FNIP1: variants seen among roughly 807,000 people sequenced by gnomAD.
FNIP1 encodes folliculin interacting protein 1, also known as folliculin-interacting protein 1.
A neutral mutation model predicts 124.5 loss-of-function variants in FNIP1; 40 were observed. The ratio of observed to expected loss-of-function variants is 0.32; its 90% confidence interval spans 0.25 to 0.42. FNIP1 has a LOEUF of 0.42. FNIP1 is among the 10% of genes least tolerant of loss of function. The pLI, the probability that FNIP1 is intolerant of heterozygous loss-of-function variation, is 1.00. For synonymous variants in FNIP1, 472 were observed against 470.6 expected (o/e 1.00, Z -0.04); for missense variants, 1,176 against 1,403.7 (o/e 0.84, Z 2.59).
intron 1 of FNIP1, among the ~76,000 whole-genome samples, chr5:131,746,368 C>T (rs1770681590): frequency 6.6e-6 from 1 of 152,126 alleles, no homozygotes; most frequent in Non-Finnish European, 1.5e-5. Flanking sequence ...CTGATGCTGT[C>T]ACCCAGAGAG....
intron 11 of FNIP1, among the ~76,000 whole-genome samples, chr5:131,697,968 C>CAAAAAAAAAAAA (rs753487190): frequency 3.4e-5 from 2 of 58,762 alleles, no homozygotes; most frequent in Non-Finnish European, 8.5e-5. Context: ...GACTCCACCT[C>CAAAAAAAAAAAA]AAAAAAAAAA....
At chr5:131,699,516 C>T (rs1164650747) in intron 10 of FNIP1, among the ~76,000 whole-genome samples, 1 of 151,344 alleles carries the variant, frequency 6.6e-6, no homozygotes, top group Non-Finnish European at 1.5e-5. Flanking sequence ...GCCTCAGTCT[C>T]CCGAGTAGCT....
chr5:131,659,887 G>T (rs1219295716), intron 15 of FNIP1, among the ~76,000 whole-genome samples: 2 of 152,182 alleles, frequency 1.3e-5, no homozygotes, highest in Non-Finnish European at 2.9e-5. Flanking sequence ...ATCCCAGTTG[G>T]TGATGATGCC....
chr5:131,666,452 G>A (rs573623919), intron 15 of FNIP1, among the ~76,000 whole-genome samples: 2 of 152,222 alleles, frequency 1.3e-5, no homozygotes, highest in South Asian at 4.1e-4. Flanking sequence ...ACAGACCTGG[G>A]ACCACTAATA....
At chr5:131,650,004 A>G (rs532357795) in intron 16 of FNIP1, among the ~76,000 whole-genome samples, 1 of 152,180 alleles carries the variant, frequency 6.6e-6, no homozygotes, top group East Asian at 1.9e-4. Flanking sequence ...CCAGTAGCAC[A>G]ATGTTTTGAT....
chr5:131,688,637 A>G (rs1432082427), intron 11 of FNIP1, among the ~76,000 whole-genome samples: 1 of 151,208 alleles, frequency 6.6e-6, no homozygotes, highest in Non-Finnish European at 1.5e-5. Flanking sequence ...GACAACATGC[A>G]AGACCAAATA....
chr5:131,777,465 T>C (rs959049998), intron 1 of FNIP1, among the ~76,000 whole-genome samples: 1 of 151,986 alleles, frequency 6.6e-6, no homozygotes, highest in Non-Finnish European at 1.5e-5. Context: ...CGAAAAAAAC[T>C]ACTAAGGTAA....
intron 1 of FNIP1, among the ~76,000 whole-genome samples, chr5:131,785,029 C>CTATATATATGATATATATGACTAT (rs11375547): frequency 7.6e-5 from 1 of 13,216 alleles, no homozygotes; most frequent in East Asian, 7.5e-4. Flanking sequence ...ATATATATGA[C>CTATATATATGATATATATGACTAT]ATATATATGA....
intron 15 of FNIP1, among the ~76,000 whole-genome samples, chr5:131,655,174 CG>C (rs1052896741): frequency 4.6e-5 from 7 of 151,932 alleles, no homozygotes; most frequent in African/African-American, 1.7e-4. Context: ...CCTAGAAATA[CG>C]GAAAATAAGA....
chr5:131,745,598 AG>A (rs1770650806), intron 1 of FNIP1, among the ~76,000 whole-genome samples: 1 of 152,178 alleles, frequency 6.6e-6, no homozygotes, highest in African/African-American at 2.4e-5. Flanking sequence ...ATATAAATTT[AG>A]TATGTGTATA....
chr5:131,648,310 C>G (rs1394712289), intron 16 of FNIP1, among the ~76,000 whole-genome samples: 1 of 115,908 alleles, frequency 8.6e-6, no homozygotes, highest in Non-Finnish European at 1.9e-5. Flanking sequence ...ACAAAAGTTA[C>G]AAAAAAAAAA....
At chr5:131,755,143 G>A (rs542795769) in intron 1 of FNIP1, among the ~76,000 whole-genome samples, 10 of 152,268 alleles carry the variant, frequency 6.6e-5, no homozygotes, top group South Asian at 6.2e-4. Context: ...TCTGGTGGCC[G>A]GGCACAGTGG....
At chr5:131,763,351 G>A (rs1322767315) in intron 1 of FNIP1, among the ~76,000 whole-genome samples, 12 of 150,858 alleles carry the variant, frequency 8.0e-5, no homozygotes, top group Non-Finnish European at 1.5e-5. Flanking sequence ...GCAAAAGATT[G>A]GCAAATGAAT....
intron 1 of FNIP1, among the ~76,000 whole-genome samples, chr5:131,786,661 G>GT: frequency 6.6e-6 from 1 of 152,316 alleles, no homozygotes; most frequent in African/African-American, 2.4e-5. Context: ...AGGTGATTAG[G>GT]TTATGAGGGC....
intron 10 of FNIP1, among the ~76,000 whole-genome samples, chr5:131,702,223 C>A (rs1768925694): frequency 6.6e-6 from 1 of 152,286 alleles, no homozygotes; most frequent in Non-Finnish European, 1.5e-5. Flanking sequence ...CACTCTGTTG[C>A]TACAGTGCAG....
At chr5:131,670,188 C>T (rs953008702) in intron 15 of FNIP1, among the ~76,000 whole-genome samples, 3 of 152,130 alleles carry the variant, frequency 2.0e-5, no homozygotes, top group Non-Finnish European at 4.4e-5. Flanking sequence ...TAAGCACTTG[C>T]AAATTTTTGA....
intron 11 of FNIP1, among the ~76,000 whole-genome samples, chr5:131,686,227 G>A (rs1053056480): frequency 6.6e-6 from 1 of 152,224 alleles, no homozygotes; most frequent in African/African-American, 2.4e-5. Context: ...GCTCTCAAAT[G>A]CTGACTCTGA....
intron 11 of FNIP1, among the ~76,000 whole-genome samples, chr5:131,684,401 T>TGA (rs1300002261): frequency 6.6e-6 from 1 of 152,238 alleles, no homozygotes; most frequent in Non-Finnish European, 1.5e-5. Flanking sequence ...ATATCAATTG[T>TGA]ATATGTGAAA....
At chr5:131,775,695 T>G (rs1771779658) in intron 1 of FNIP1, among the ~76,000 whole-genome samples, 1 of 151,836 alleles carries the variant, frequency 6.6e-6, no homozygotes, top group Non-Finnish European at 1.5e-5. Flanking sequence ...GTCCGGCTAA[T>G]TTTTGTATTT....
Sources: allele counts gnomAD v4.1 joint callset (sites outside exome capture counted in the v4.1 genomes callset), GRCh38; gene constraint gnomAD v4.1.1; transcripts MANE v1.5; gene names NCBI Gene and HGNC (gene_info 2026-07-23, HGNC 2026-07-21).